The following BNC2 variants were observed in gnomAD, a reference collection of about 807,000 sequenced individuals.
BNC2 encodes basonuclin zinc finger protein 2.
Under a neutral mutation model 76.3 loss-of-function variants are expected in BNC2, and 20 were observed. The ratio of observed to expected loss-of-function variants is 0.26; its 90% CI spans 0.18 to 0.38. The LOEUF (loss-of-function observed/expected upper bound fraction) is 0.38, where lower values mean the gene tolerates loss of function less well. Ranked by LOEUF, BNC2 falls within the 10% of genes least tolerant of loss-of-function variation. BNC2 has a pLI of 1.00. For missense variants in BNC2, 1,382 were observed against 1,399.8 expected (o/e 0.99, Z 0.20); for synonymous variants, 582 against 514.8 (o/e 1.13, Z -1.77).
rs1329530988 is a variant in BNC2, at chr9:16,471,469, G to T, written c.670-33945C>A. ...CCACCATGCCCAGCTGATTTTTGTAGTTTTAGTAGAGACAGGGTTTCACTA... is the reference window on the plus strand; with the variant it reads ...CCACCATGCCCAGCTGATTTTTGTATTTTTAGTAGAGACAGGGTTTCACTA... On this transcript the variant is annotated intron_variant, in intron 5 of 6. Coordinates refer to ENST00000380672, the MANE Select transcript of BNC2 (RefSeq NM_017637.6). Among the ~76,000 whole-genome samples, 3 of 151,860 alleles carry T rather than the reference G, an allele frequency of 2.0e-5. 1 individual carries two copies. Among genetic ancestry groups the T allele is most frequent in the Admixed American group, 1.3e-4 (2 of 15,248 alleles).
At chr9:16,517,773 TA>T (rs1312006232) in intron 5 of BNC2, among the ~76,000 whole-genome samples, 2 of 152,338 alleles carry the variant, frequency 1.3e-5, no homozygotes, top group Admixed American at 6.5e-5. Flanking sequence ...ATAAACACAG[TA>T]AATTGTAGGT....
intron 3 of BNC2, among the ~76,000 whole-genome samples, chr9:16,641,739 T>C (rs1302720717): frequency 6.6e-6 from 1 of 152,106 alleles, no homozygotes; most frequent in African/African-American, 2.4e-5. Flanking sequence ...TTAAATGAAA[T>C]AAAGCATATA....
In BNC2 at chr9:16,785,395, T is replaced by C. The variant is rs757673024; in HGVS notation, c.4-46910A>G. Among the ~76,000 whole-genome samples, 4 of 152,106 alleles carry C rather than the reference T, an allele frequency of 2.6e-5. No homozygotes were observed. In the South Asian group the frequency reaches 8.3e-4, roughly 32 times the overall value. On this transcript the variant is annotated intron_variant, in intron 1 of 6. Transcript: ENST00000380672. ...TAAGGTGATGGAAATTCTTGCTATG[T>C]ATTTCTTTTTTTTAGTTAAGACAGA...
In BNC2 at chr9:16,856,275, T is replaced by TCACA. The variant is rs1233462935; in HGVS notation, c.3+14370_3+14371insTGTG. ...TTTCTTCACACACACTCTCTCTCTC[T>TCACA]CTCACACACACACACACACACACAC... On this transcript the variant is annotated intron_variant, in intron 1 of 6. Transcript: ENST00000380672. Among the ~76,000 whole-genome samples the TCACA allele has an allele frequency of 5.8e-4, 50 of 86,468 alleles. 1 individual carries two copies. The highest frequency in any genetic ancestry group is 5.3e-3 in the South Asian group (6 of 1,126). The allele number at this position is 86,468 out of a possible 152,430, so 56.7% of individuals were successfully genotyped here. A position where few individuals can be genotyped will look rare whatever the true frequency, so the allele number is the denominator to read the frequency against.
chr9:16,659,409 A>G (rs1020904553), intron 3 of BNC2, among the ~76,000 whole-genome samples: 3 of 151,976 alleles, frequency 2.0e-5, no homozygotes, highest in Non-Finnish European at 4.4e-5. Context: ...GGAGATTGAG[A>G]CCATCCTGGC....
rs1554629153 is a variant in BNC2 at position 16,418,873 on chromosome 9, G to GCACGCACA, written c.*115_*116insTGTGCGTG. The stretch of plus-strand genomic sequence containing the variant: ...ATGTAGCCACAGAGCATACATAAAT[G>GCACGCACA]CACACACACACACACACACACACAC... On this transcript the variant is annotated 3_prime_UTR_variant, in exon 7 of 7. Coordinates refer to ENST00000380672, the MANE Select transcript of BNC2 (RefSeq NM_017637.6). 37 of 880,994 alleles carry GCACGCACA rather than the reference G, an allele frequency of 4.2e-5. No individual in the cohort carries two copies. The highest frequency in any genetic ancestry group is 6.6e-5 in the Non-Finnish European group (36 of 543,956). 54.6% of individuals were successfully genotyped at this position (880,994 alleles called of 1,614,324 possible). A position where few individuals can be genotyped will look rare whatever the true frequency, so the allele number is the denominator to read the frequency against.
intron 1 of BNC2, among the ~76,000 whole-genome samples, chr9:16,844,851 G>A (rs1393961227): frequency 6.6e-6 from 1 of 152,048 alleles, no homozygotes; most frequent in Non-Finnish European, 1.5e-5. Flanking sequence ...AGGTATTATT[G>A]GTATTTGGGG....
At chr9:16,750,769 T>A (rs1379385435) in intron 1 of BNC2, among the ~76,000 whole-genome samples, 3 of 152,262 alleles carry the variant, frequency 2.0e-5, no homozygotes, top group Non-Finnish European at 4.4e-5. Flanking sequence ...GAAAGCAAAT[T>A]CATGTCTGCT....
At chr9:16,423,670 T>G (rs1364008816) in intron 6 of BNC2, among the ~76,000 whole-genome samples, 5 of 152,116 alleles carry the variant, frequency 3.3e-5, no homozygotes, top group Admixed American at 6.5e-5. Flanking sequence ...GATCCCAAGG[T>G]AGGACTCATG....
intron 1 of BNC2, among the ~76,000 whole-genome samples, chr9:16,753,848 G>A (rs926748189): frequency 2.3e-5 from 3 of 132,880 alleles, no homozygotes; most frequent in Non-Finnish European, 4.7e-5. Flanking sequence ...TTTTGATGTG[G>A]AGCAGATGGG....
At chr9:16,769,351 T>A (rs1349157247) in intron 1 of BNC2, among the ~76,000 whole-genome samples, 1 of 152,156 alleles carries the variant, frequency 6.6e-6, no homozygotes, top group Admixed American at 6.5e-5. Flanking sequence ...AGAGACATTA[T>A]CTCATTTACT....
intron 4 of BNC2, among the ~76,000 whole-genome samples, chr9:16,571,396 G>A (rs10117448): frequency 0.19 from 29,594 of 152,046 alleles, 5,267 homozygotes; most frequent in African/African-American, 0.47. Context: ...TATCCCCCAA[G>A]AACTCCAAAT....
chr9:16,614,350 T>C (rs1014418672), intron 3 of BNC2, among the ~76,000 whole-genome samples: 2 of 152,014 alleles, frequency 1.3e-5, no homozygotes, highest in Admixed American at 6.5e-5. Context: ...AGACAGTACC[T>C]AGCACAGAGT....
intron 5 of BNC2, among the ~76,000 whole-genome samples, chr9:16,542,573 T>C (rs1180888637): frequency 1.3e-5 from 2 of 152,152 alleles, no homozygotes; most frequent in Non-Finnish European, 2.9e-5. Flanking sequence ...CGGCAACAAA[T>C]GCCAAGTTTG....
At chr9:16,668,682 T>G (rs1447560281) in intron 3 of BNC2, among the ~76,000 whole-genome samples, 1 of 152,216 alleles carries the variant, frequency 6.6e-6, no homozygotes, top group Non-Finnish European at 1.5e-5. Context: ...TCCACAGATG[T>G]ATAATTTGGG....
intron 4 of BNC2, among the ~76,000 whole-genome samples, chr9:16,567,042 C>T (rs1819189836): frequency 6.6e-6 from 1 of 152,106 alleles, no homozygotes; most frequent in South Asian, 2.1e-4. Context: ...GAAACAGAGG[C>T]CTAAACTGGC....
At chr9:16,468,033 T>C (rs1400805010) in intron 5 of BNC2, among the ~76,000 whole-genome samples, 1 of 149,998 alleles carries the variant, frequency 6.7e-6, no homozygotes, top group Admixed American at 6.6e-5. Context: ...CTCATTTCTT[T>C]CTTTCTCTTT....
At chr9:16,423,404 T>C (rs900094833) in intron 6 of BNC2, among the ~76,000 whole-genome samples, 2 of 152,178 alleles carry the variant, frequency 1.3e-5, no homozygotes, top group Admixed American at 6.5e-5. Context: ...AATGAGTTCA[T>C]AGGTATAAGG....
intron 5 of BNC2, among the ~76,000 whole-genome samples, chr9:16,487,606 G>A (rs1027071187): frequency 2.6e-5 from 4 of 152,086 alleles, no homozygotes; most frequent in Non-Finnish European, 5.9e-5. Context: ...ATTCAAATAA[G>A]ACCAAAGAGA....
Sources: gnomAD v4.1 joint callset for allele counts (sites outside exome capture counted in the v4.1 genomes callset) on GRCh38, gnomAD v4.1.1 for gene constraint, MANE v1.5 for transcripts, NCBI Gene and HGNC (gene_info 2026-07-23, HGNC 2026-07-21) for gene names.